Variants in RORC observed in about 807,000 individuals in gnomAD.
RORC encodes RAR related orphan receptor C.
Under a neutral mutation model 64.5 loss-of-function variants are expected in RORC, and 13 were observed. The observed-to-expected ratio is 0.20, with a 90% CI of 0.13 to 0.32. RORC has a LOEUF of 0.32. RORC is among the 10% of genes least tolerant of loss of function. The pLI, the probability that RORC is intolerant of heterozygous loss-of-function variation, is 1.00. For synonymous variants in RORC, 277 were observed against 259.3 expected (o/e 1.07, Z -0.65); for missense variants, 468 against 669.5 (o/e 0.70, Z 3.32).
Position 151,814,994 on chromosome 1 carries a change from G to A in RORC, c.730C>T (p.Leu244=). Residue 244 remains leucine, a synonymous_variant, in exon 5 of 11, where the codon CTG becomes TTG. Transcript: ENST00000318247. ...EEHRHPGLGE[L]GQGPDSYGSP... ...CCGTAGCTGTCTGGGCCCTGTCCCA[G>A]TTCCCCAAGCCCAGGATGCCTGTGT... 6.2e-7 allele frequency: 1 copy of A among 1,614,218 alleles called. No homozygotes were observed. Among genetic ancestry groups the A allele is most frequent in the East Asian group, 2.2e-5 (1 of 44,886 alleles).
At chr1:151,813,840 T>C in intron 6 of RORC, 1 of 552,808 alleles carries the variant, frequency 1.8e-6, no homozygotes, top group Non-Finnish European at 3.2e-6. Flanking sequence ...AGTTAGCTGT[T>C]GTGAGGGAAT....
At chr1:151,814,805 C>T (rs1651691295) in intron 5 of RORC, 108 bp downstream of exon 5, 1 of 1,542,126 alleles carries the variant, frequency 6.5e-7, no homozygotes, top group African/African-American at 1.4e-5. Flanking sequence ...CCCTCCGCCC[C>T]TCGTCTGGAC....
intron 4 of RORC, among the ~76,000 whole-genome samples, chr1:151,816,003 C>T (rs1298145943): frequency 6.6e-6 from 1 of 152,238 alleles, no homozygotes; most frequent in East Asian, 1.9e-4. Flanking sequence ...CCCCGCCTGC[C>T]CCTTTGCACC....
chr1:151,808,275 C>T (rs1380365791), intron 10 of RORC, among the ~76,000 whole-genome samples: 1 of 152,218 alleles, frequency 6.6e-6, no homozygotes, highest in Non-Finnish European at 1.5e-5. Flanking sequence ...TCTAAGCAGG[C>T]ACCTAACACT....
chr1:151,823,500 C>T (rs933879810), intron 2 of RORC, among the ~76,000 whole-genome samples: 1 of 152,198 alleles, frequency 6.6e-6, no homozygotes, highest in Non-Finnish European at 1.5e-5. Flanking sequence ...CACCCTACTT[C>T]CCTCTTACCG....
chr1:151,823,789 C>T (rs779398964), intron 2 of RORC, among the ~76,000 whole-genome samples: 8 of 152,126 alleles, frequency 5.3e-5, no homozygotes, highest in Non-Finnish European at 1.2e-4. Flanking sequence ...TACAGGTACA[C>T]GCCACCATGC....
chr1:151,807,431 C>A lies in RORC; in HGVS notation c.*41G>T, dbSNP rs200245181. 5.6e-6 allele frequency: 9 copies of A among 1,603,090 alleles called. No homozygotes were observed. Among genetic ancestry groups the A allele is most frequent in the Non-Finnish European group, 6.0e-6 (7 of 1,172,362 alleles). On this transcript the variant is annotated 3_prime_UTR_variant, in exon 11 of 11. Coordinates refer to ENST00000318247, the MANE Select transcript of RORC (RefSeq NM_005060.4). The surrounding 1 kb of genome is among the most constrained non-coding windows in gnomAD (Gnocchi z 5.0). ...GTGGAACGGGGTCCAGGGAGGTGGG[C>A]CAGCAGGCCATAGGGAGAGGCAAGG...
At chr1:151,814,851 G>T in intron 5 of RORC, 62 bp downstream of exon 5, 2 of 1,569,398 alleles carry the variant, frequency 1.3e-6, no homozygotes, top group South Asian at 1.2e-5. Flanking sequence ...TGATTGATAC[G>T]GGGTACTGGT....
In RORC at chr1:151,818,577, C is replaced by T. The variant is rs1651862908; in HGVS notation, c.71-1297G>A. Reference sequence around the variant, plus strand: ...GGTAGCTGGGCAAAGCTTGGGATCCCTGGTTACTGTAGGTGTTTTTAGCAT... The same window carrying T: ...GGTAGCTGGGCAAAGCTTGGGATCCTTGGTTACTGTAGGTGTTTTTAGCAT... On this transcript the variant is annotated intron_variant, in intron 2 of 10. Transcript: ENST00000318247. Among the ~76,000 whole-genome samples the T allele has an allele frequency of 1.3e-5, 2 of 152,178 alleles. 1 individual carries two copies. The highest frequency in any genetic ancestry group is 1.3e-4 in the Admixed American group (2 of 15,284).
Position 151,811,442 on chromosome 1 carries a change from A to C in RORC, c.1286-8T>G. ...CTTGGAGCCCTGGCCGATCTGGAGGAGGGGGTGGGACCGTAATGAGAACAA... is the reference window on the plus strand; with the variant it reads ...CTTGGAGCCCTGGCCGATCTGGAGGCGGGGGTGGGACCGTAATGAGAACAA... On this transcript the variant is annotated splice_polypyrimidine_tract_variant and splice_region_variant and intron_variant, in intron 9 of 10. Transcript: ENST00000318247. 6.4e-7 allele frequency: 1 copy of C among 1,564,600 alleles called. No homozygotes were observed. The highest frequency in any genetic ancestry group is 8.8e-7 in the Non-Finnish European group (1 of 1,135,654).
At chr1:151,824,680 C>T (rs1439424059) in intron 2 of RORC, among the ~76,000 whole-genome samples, 2 of 152,216 alleles carry the variant, frequency 1.3e-5, no homozygotes, top group African/African-American at 2.4e-5. Flanking sequence ...CATCATCACC[C>T]TTGGGGATGC....
intron 1 of RORC, chr1:151,831,273 G>C (rs1652408498): frequency 2.0e-6 from 1 of 490,864 alleles, no homozygotes; most frequent in Admixed American, 3.7e-5. Flanking sequence ...TTTCTCCACT[G>C]GTGAATGAAC....
intron 2 of RORC, among the ~76,000 whole-genome samples, chr1:151,823,815 A>G (rs1005867885): frequency 6.6e-6 from 1 of 152,148 alleles, no homozygotes; most frequent in Non-Finnish European, 1.5e-5. Context: ...GAATTAAAAA[A>G]AACTTTTTTT....
intron 6 of RORC, 75 bp downstream of exon 6, chr1:151,814,499 T>C (rs938261887): frequency 6.7e-7 from 1 of 1,502,414 alleles, no homozygotes; most frequent in Non-Finnish European, 9.1e-7. Context: ...GACCCAGTCG[T>C]GCGCAGGTAG....
intron 2 of RORC, among the ~76,000 whole-genome samples, chr1:151,824,946 C>G (rs1652133663): frequency 6.6e-6 from 1 of 152,156 alleles, no homozygotes; most frequent in African/African-American, 2.4e-5. Flanking sequence ...GTGGGAAGAC[C>G]CCAGGTTGAA....
rs368067137 is a variant in RORC, at chr1:151,813,049, C to T, written c.1183G>A (p.Glu395Lys). 2 of 1,612,472 alleles carry T rather than the reference C, an allele frequency of 1.2e-6. No homozygotes were observed. The highest frequency in any genetic ancestry group is 1.7e-6 in the Non-Finnish European group (2 of 1,178,728). ...MELFRALGCS[E>K]LISSIFDFSH... ...AAGTCAAAGATGGAGCTGATGAGCT[C>T]GCTGCAGCCTGATGGAGTGGAAATG... Residue 395 changes from glutamate to lysine, a missense_variant, in exon 9 of 11, where the codon GAG (glutamate) becomes AAG (lysine). Coordinates refer to ENST00000318247, the MANE Select transcript of RORC (RefSeq NM_005060.4).
At chr1:151,813,823 G>C in intron 6 of RORC, 1 of 586,020 alleles carries the variant, frequency 1.7e-6, no homozygotes, top group Non-Finnish European at 3.0e-6. Context: ...ACCGGCTGCT[G>C]ACACCGAGTT....
At position 151,813,529 on chromosome 1, in the gene RORC, A is replaced by T; in HGVS notation, c.1025T>A (p.Met342Lys). Residue 342 changes from methionine (M) to lysine (K), a missense_variant, in exon 7 of 11, where the codon ATG becomes AAG. Coordinates refer to ENST00000318247, the MANE Select transcript of RORC (RefSeq NM_005060.4). Reference sequence around the variant, plus strand: ...AATCTGGTCATTCTGGCAGAGCTCCATAAAGCCTGAGAGCCTCTTGGCGAA... The same window carrying T: ...AATCTGGTCATTCTGGCAGAGCTCCTTAAAGCCTGAGAGCCTCTTGGCGAA... ...VEFAKRLSGF[M>K]ELCQNDQIVL... 6.2e-7 allele frequency: 1 copy of T among 1,614,174 alleles called. No individual in the cohort carries two copies. Among genetic ancestry groups the T allele is most frequent in the Non-Finnish European group, 8.5e-7 (1 of 1,180,036 alleles).
chr1:151,813,888 G>T, intron 6 of RORC: 1 of 452,142 alleles, frequency 2.2e-6, no homozygotes. Context: ...CTCCAACAAG[G>T]TATATCTCGT....
Sources: gnomAD v4.1 joint callset for allele counts (sites outside exome capture counted in the v4.1 genomes callset) on GRCh38, gnomAD v4.1.1 for gene constraint, Gnocchi (gnomAD v3.1) non-coding constraint, MANE v1.5 for transcripts, NCBI Gene and HGNC (gene_info 2026-07-23, HGNC 2026-07-21) for gene names.